PACSIN1: variants seen among roughly 807,000 people sequenced by gnomAD.
PACSIN1 encodes the protein protein kinase C and casein kinase substrate in neurons 1, also known as protein kinase C and casein kinase substrate in neurons protein 1.
In PACSIN1, 15 loss-of-function variants were observed where a neutral mutation model predicts 59.5. That is an observed-to-expected ratio of 0.25 (90% CI 0.17 to 0.39). PACSIN1 has a LOEUF of 0.39. PACSIN1 is among the 10% of genes least tolerant of loss of function. PACSIN1 has a pLI of 1.00. For synonymous variants in PACSIN1, 210 were observed against 220.6 expected (o/e 0.95, Z 0.42); for missense variants, 420 against 580.2 (o/e 0.72, Z 2.84).
rs1005213781 is a variant in PACSIN1 at position 34,514,628 on chromosome 6, G to A, written c.-63-11615G>A. On this transcript the variant is annotated intron_variant, in intron 1 of 9. Transcript: ENST00000244458. This position sits in a 1 kb window ranked among gnomAD's most constrained non-coding sequence, Gnocchi z 4.4. ...GGAGCAGGGCTTCCCAGTCGAGGGC[G>A]GCGGCCGAGCCTGTGTCCCCACCAG... Among the ~76,000 whole-genome samples, 4 of 152,082 alleles carry A rather than the reference G, an allele frequency of 2.6e-5. No individual in the cohort carries two copies. The highest frequency in any genetic ancestry group is 4.8e-5 in the African/African-American group (2 of 41,422).
In PACSIN1 at chr6:34,535,101, C is replaced by CTG. The variant is rs1162342170; in HGVS notation, c.*2574_*2575dup. 6.6e-6 allele frequency: 1 copy of CTG among 152,472 alleles called. No homozygotes were observed. Among genetic ancestry groups the CTG allele is most frequent in the Non-Finnish European group, 1.5e-5 (1 of 68,052 alleles). The allele number at this position is 152,472 out of a possible 1,614,324, so 9.4% of individuals were successfully genotyped here. On this transcript the variant is annotated 3_prime_UTR_variant, in exon 10 of 10. Transcript: ENST00000244458. The stretch of plus-strand genomic sequence containing the variant: ...GACACTTGTGAAACTCCGAGAAGTG[C>CTG]TGTGGTCTCAGCAATGCACCTGTTT...
At chr6:34,477,209 G>A (rs529594649) in intron 1 of PACSIN1, among the ~76,000 whole-genome samples, 1 of 152,248 alleles carries the variant, frequency 6.6e-6, no homozygotes, top group South Asian at 2.1e-4. Flanking sequence ...AGCATGTCCA[G>A]GCCGGGCATG....
In PACSIN1 at chr6:34,485,216, AT is replaced by A. The variant is rs1766774940; in HGVS notation, c.-64+18950del. Reference sequence around the variant, plus strand: ...ATTATATTTATGTTTTTATTTTTCAATTTTAAAAAAAGCCAGTCAAATTGAG... The same window carrying A: ...ATTATATTTATGTTTTTATTTTTCAATTTAAAAAAAGCCAGTCAAATTGAG... On this transcript the variant is annotated intron_variant, in intron 1 of 9. Transcript: ENST00000244458. 3.3e-5 allele frequency: 5 copies of A among 152,118 alleles called. 1 individual carries two copies. The South Asian group carries it at 1.0e-3, about 32-fold the overall frequency. 9.4% of individuals were successfully genotyped at this position (152,118 alleles called of 1,614,324 possible).
intron 1 of PACSIN1, among the ~76,000 whole-genome samples, chr6:34,497,115 AT>A (rs1242891081): frequency 2.0e-5 from 3 of 151,142 alleles, no homozygotes; most frequent in Non-Finnish European, 4.4e-5. Flanking sequence ...CACCTGGCTG[AT>A]TTTTTTTATT....
chr6:34,511,003 G>T (rs993498386), intron 1 of PACSIN1, among the ~76,000 whole-genome samples: 1 of 152,144 alleles, frequency 6.6e-6, no homozygotes, highest in African/African-American at 2.4e-5. Flanking sequence ...GTGAGCCACC[G>T]CACTGAGCCC....
At chr6:34,479,665 G>A (rs914165251) in intron 1 of PACSIN1, among the ~76,000 whole-genome samples, 4 of 151,392 alleles carry the variant, frequency 2.6e-5, no homozygotes, top group South Asian at 2.1e-4. Flanking sequence ...TCTGTTGCCC[G>A]GGCTGGACTT....
intron 1 of PACSIN1, among the ~76,000 whole-genome samples, chr6:34,513,641 G>A (rs1037214788): frequency 3.3e-5 from 5 of 152,034 alleles, no homozygotes; most frequent in East Asian, 3.9e-4. Context: ...TCCAAGTACC[G>A]ATGCTAGAGG....
At chr6:34,480,802 G>A (rs1032174660) in intron 1 of PACSIN1, among the ~76,000 whole-genome samples, 7 of 152,138 alleles carry the variant, frequency 4.6e-5, no homozygotes, top group African/African-American at 1.7e-4. Flanking sequence ...TAGATAATGT[G>A]AAACTGTTCT....
chr6:34,467,761 TTGGTCAGGC>T (rs561495172), intron 1 of PACSIN1, among the ~76,000 whole-genome samples: 22 of 152,234 alleles, frequency 1.4e-4, no homozygotes, highest in Middle Eastern at 3.4e-3. Context: ...TTTCTCCATG[TTGGTCAGGC>T]TGGTCTCGAA....
rs1767616144 is a variant in PACSIN1 at position 34,532,380 on chromosome 6, C to T, written c.1226-41C>T. 5 of 1,359,094 alleles carry T rather than the reference C, an allele frequency of 3.7e-6. No individual in the cohort carries two copies. Among genetic ancestry groups the T allele is most frequent in the Non-Finnish European group, 4.1e-6 (4 of 972,146 alleles). The allele number at this position is 1,359,094 out of a possible 1,614,324, so 84.2% of individuals were successfully genotyped here. A position where few individuals can be genotyped will look rare whatever the true frequency, so the allele number is the denominator to read the frequency against. ...AGCAGCCGGTGCGTTGAGGGAGGGG[C>T]AGCCTTCTCTCTGAGCCCCTCCCTG... On this transcript the variant is annotated intron_variant, in intron 9 of 9. Coordinates refer to ENST00000244458, the MANE Select transcript of PACSIN1 (RefSeq NM_020804.5). This position sits in a 1 kb window ranked among gnomAD's most constrained non-coding sequence, Gnocchi z 5.2.
intron 1 of PACSIN1, among the ~76,000 whole-genome samples, chr6:34,469,171 G>C (rs1241506024): frequency 6.6e-6 from 1 of 152,132 alleles, no homozygotes; most frequent in South Asian, 2.1e-4. Flanking sequence ...GTTGGGGGAC[G>C]AGTGGGTATA....
In PACSIN1 at chr6:34,514,017, C is replaced by T. The variant is rs989838040; in HGVS notation, c.-63-12226C>T. 6.6e-5 allele frequency among the ~76,000 whole-genome samples: 10 copies of T among 152,228 alleles called. No individual in the cohort carries two copies. The highest frequency in any genetic ancestry group is 3.9e-4 in the East Asian group (2 of 5,190). ...CTGAATCCATGTAGATGTGTGTGCA[C>T]GTGTCTTAAAGATGTGCGTATGCTG... On this transcript the variant is annotated intron_variant, in intron 1 of 9. Coordinates refer to ENST00000244458, the MANE Select transcript of PACSIN1 (RefSeq NM_020804.5). The surrounding 1 kb of genome is among the most constrained non-coding windows in gnomAD (Gnocchi z 4.4).
intron 1 of PACSIN1, among the ~76,000 whole-genome samples, chr6:34,492,014 G>GT (rs968418310): frequency 2.0e-5 from 3 of 152,060 alleles, no homozygotes; most frequent in African/African-American, 7.3e-5. Context: ...GGAATGATGT[G>GT]TTTTTCTCCG....
intron 1 of PACSIN1, among the ~76,000 whole-genome samples, chr6:34,501,159 G>A (rs1767017108): frequency 6.6e-6 from 1 of 152,156 alleles, no homozygotes; most frequent in Non-Finnish European, 1.5e-5. Flanking sequence ...CTTTTTCTTT[G>A]CATTAACACT....
chr6:34,531,915 G>T lies in PACSIN1; in HGVS notation c.1225+128G>T. On this transcript the variant is annotated intron_variant, in intron 9 of 9. Coordinates refer to ENST00000244458, the MANE Select transcript of PACSIN1 (RefSeq NM_020804.5). The surrounding 1 kb of genome is among the most constrained non-coding windows in gnomAD (Gnocchi z 4.4). The stretch of plus-strand genomic sequence containing the variant: ...GGGTGTGTGGTGGTGCAGGGGCGGT[G>T]CCTGAGAGAGAAGCTTGGGTCTGGA... 4.6e-6 allele frequency: 4 copies of T among 874,374 alleles called. No homozygotes were observed. The highest frequency in any genetic ancestry group is 6.9e-6 in the Non-Finnish European group (4 of 583,632). 54.2% of individuals were successfully genotyped at this position (874,374 alleles called of 1,614,324 possible). A position where few individuals can be genotyped will look rare whatever the true frequency, so the allele number is the denominator to read the frequency against.
At chr6:34,492,793 G>A (rs2127253749) in intron 1 of PACSIN1, among the ~76,000 whole-genome samples, 1 of 152,360 alleles carries the variant, frequency 6.6e-6, no homozygotes, top group South Asian at 2.1e-4. Flanking sequence ...CATGGGAATA[G>A]TAGACACCAT....
intron 1 of PACSIN1, among the ~76,000 whole-genome samples, chr6:34,475,300 TAAAATTAAAAAA>T (rs1476487543): frequency 3.7e-5 from 5 of 135,084 alleles, no homozygotes; most frequent in East Asian, 2.8e-4. Flanking sequence ...CAATGTTTCC[TAAAATTAAAAAA>T]AAAATTAAAA....
chr6:34,491,375 C>T (rs978990781), intron 1 of PACSIN1, among the ~76,000 whole-genome samples: 14 of 152,256 alleles, frequency 9.2e-5, no homozygotes, highest in South Asian at 6.2e-4. Flanking sequence ...CGGTCCCTTC[C>T]CTGCTACCTG....
rs1767569102 is a variant in PACSIN1 at position 34,530,322 on chromosome 6, A to G, written c.868A>G (p.Thr290Ala). 1.2e-6 allele frequency: 2 copies of G among 1,613,988 alleles called. No individual in the cohort carries two copies. The highest frequency in any genetic ancestry group is 1.7e-6 in the Non-Finnish European group (2 of 1,180,030). The change falls in exon 7 of 10, where the codon ACC becomes GCC. Residue 290 changes from threonine (T) to alanine (A), a missense_variant. Coordinates refer to ENST00000244458, the MANE Select transcript of PACSIN1 (RefSeq NM_020804.5). The surrounding 1 kb of genome is among the most constrained non-coding windows in gnomAD (Gnocchi z 4.4). ...AQEDLRWFRS[T>A]SGPGMPMNWP... ...GGAAGACCTCAGATGGTTCCGCAGC[A>G]CCAGTGGCCCCGGCATGCCCATGAA...
Sources: allele counts gnomAD v4.1 joint callset (sites outside exome capture counted in the v4.1 genomes callset), GRCh38; gene constraint gnomAD v4.1.1; non-coding constraint Gnocchi (gnomAD v3.1); transcripts MANE v1.5; gene names NCBI Gene and HGNC (gene_info 2026-07-23, HGNC 2026-07-21).